The following BLTP3A variants were observed in gnomAD, a reference collection of about 807,000 sequenced individuals.
BLTP3A encodes the protein bridge-like lipid transfer protein family member 3A, also known as ICBP90 binding protein 1.
the BLTP3A span, chr6:34,864,307 A>G: frequency 1.3e-3 from 1,450 of 1,117,728 alleles, 7 homozygotes; most frequent in African/African-American, 0.018. Flanking sequence ...GATAATATAG[A>G]CATTTTCTTA....
At chr6:34,818,976 A>G in the BLTP3A span, among the ~76,000 whole-genome samples, 3 of 152,170 alleles carry the variant, frequency 2.0e-5, no homozygotes, top group Non-Finnish European at 4.4e-5. Flanking sequence ...AAAAGTTGGT[A>G]AATATATAGA....
the BLTP3A span, chr6:34,835,304 G>T: frequency 6.2e-7 from 1 of 1,614,018 alleles, no homozygotes; most frequent in Non-Finnish European, 8.5e-7. Context: ...ACCAAAGATT[G>T]CAATGTGATA....
At chr6:34,812,204 T>C in the BLTP3A span, among the ~76,000 whole-genome samples, 2 of 151,780 alleles carry the variant, frequency 1.3e-5, no homozygotes, top group Non-Finnish European at 2.9e-5. Context: ...GGCGGGTGCC[T>C]GTAATCCCAA....
chr6:34,858,367 C>T, the BLTP3A span: 1 of 1,614,176 alleles, frequency 6.2e-7, no homozygotes, highest in Non-Finnish European at 8.5e-7. Flanking sequence ...TCATGCCTTT[C>T]AGATGGATTC....
the BLTP3A span, chr6:34,855,758 A>G: frequency 1.0e-4 from 165 of 1,609,090 alleles, 1 homozygote; most frequent in African/African-American, 1.5e-3. Flanking sequence ...TATTGAGGGC[A>G]GATTCCTGGA....
the BLTP3A span, among the ~76,000 whole-genome samples, chr6:34,827,309 C>CAA: frequency 1.4e-5 from 2 of 146,282 alleles, no homozygotes; most frequent in South Asian, 2.2e-4. Flanking sequence ...GACTCTGTTT[C>CAA]AAAAAAAAAG....
chr6:34,852,533 CCCTCTCCTCTCCTCT>C, the BLTP3A span, among the ~76,000 whole-genome samples: 2,849 of 129,268 alleles, frequency 0.022, 57 homozygotes, highest in African/African-American at 0.038. Context: ...CTGTATTCGC[CCCTCTCCTCTCCTCT>C]CCTCTCCTCT....
At chr6:34,824,980 A>AT in the BLTP3A span, among the ~76,000 whole-genome samples, 7 of 152,054 alleles carry the variant, frequency 4.6e-5, no homozygotes, top group Non-Finnish European at 8.8e-5. Flanking sequence ...CTAAATACAT[A>AT]TTTTTTTACG....
the BLTP3A span, chr6:34,855,554 T>G: frequency 6.3e-7 from 1 of 1,585,280 alleles, no homozygotes; most frequent in South Asian, 1.1e-5. Context: ...TCTGCATGCT[T>G]TAGGTGGTGG....
chr6:34,837,151 A>G, the BLTP3A span, among the ~76,000 whole-genome samples: 1 of 152,180 alleles, frequency 6.6e-6, no homozygotes, highest in Non-Finnish European at 1.5e-5. Flanking sequence ...CTCCATTGCC[A>G]TCAGTTCTTG....
At chr6:34,797,466 G>A in the BLTP3A span, among the ~76,000 whole-genome samples, 5 of 152,108 alleles carry the variant, frequency 3.3e-5, no homozygotes, top group African/African-American at 7.2e-5. Flanking sequence ...AGAGATCATC[G>A]GGGCCAGCCT....
chr6:34,798,579 TAATTTTCTTTCTTTC>T, the BLTP3A span, among the ~76,000 whole-genome samples: 4 of 149,766 alleles, frequency 2.7e-5, no homozygotes, highest in Admixed American at 6.7e-5. Context: ...AATGTATTTT[TAATTTTCTTTCTTTC>T]TTTTTTTTTT....
the BLTP3A span, among the ~76,000 whole-genome samples, chr6:34,843,180 C>T: frequency 6.6e-6 from 1 of 151,942 alleles, no homozygotes; most frequent in African/African-American, 2.4e-5. Flanking sequence ...GATGAGGTCT[C>T]GCTATGTTAC....
chr6:34,832,023 C>T, the BLTP3A span, among the ~76,000 whole-genome samples: 1 of 151,996 alleles, frequency 6.6e-6, no homozygotes, highest in South Asian at 2.1e-4. Flanking sequence ...CCATGTTGGC[C>T]AGGATGGTCT....
At chr6:34,859,338 C>T in the BLTP3A span, 6 of 1,613,710 alleles carry the variant, frequency 3.7e-6, no homozygotes, top group Non-Finnish European at 5.1e-6. Context: ...CATTGAAGCC[C>T]CCAGCTGGCA....
the BLTP3A span, among the ~76,000 whole-genome samples, chr6:34,798,096 A>G: frequency 6.6e-6 from 1 of 152,214 alleles, no homozygotes; most frequent in South Asian, 2.1e-4. Flanking sequence ...AAGGGTAACC[A>G]ATGTCCAGAT....
the BLTP3A span, chr6:34,855,806 T>G: frequency 6.4e-7 from 1 of 1,569,042 alleles, no homozygotes; most frequent in Non-Finnish European, 8.7e-7. Flanking sequence ...TGCCAGAGAT[T>G]GCAGTGCATG....
At chr6:34,864,157 A>G in the BLTP3A span, 1 of 1,614,124 alleles carries the variant, frequency 6.2e-7, no homozygotes, top group Admixed American at 1.7e-5. Flanking sequence ...ATTTCAGTGG[A>G]CAGTGATGGC....
the BLTP3A span, among the ~76,000 whole-genome samples, chr6:34,811,674 AC>A: frequency 1.2e-3 from 90 of 75,510 alleles, no homozygotes; most frequent in Middle Eastern, 7.4e-3. Context: ...ACATGGTGAG[AC>A]CCCCCCCCCC....
Sources: allele counts gnomAD v4.1 joint callset (sites outside exome capture counted in the v4.1 genomes callset), GRCh38; gene constraint gnomAD v4.1.1; transcripts MANE v1.5; gene names NCBI Gene and HGNC (gene_info 2026-07-23, HGNC 2026-07-21).